SCFD2: variants seen among roughly 807,000 people sequenced by gnomAD.
SCFD2 encodes sec1 family domain containing 2.
SCFD2 carries 54 observed loss-of-function variants against 58.9 expected under a neutral mutation model. That is an observed-to-expected ratio of 0.92 (90% confidence interval 0.74 to 1.15). The LOEUF is 1.15. Ranked by LOEUF, SCFD2 falls within the 50% of genes most tolerant of loss-of-function variation. SCFD2 has a pLI of 0.00. For synonymous variants in SCFD2, 321 were observed against 335.9 expected, an observed-to-expected ratio of 0.96 and a Z score of 0.49; for missense variants, 805 against 836.6, an observed-to-expected ratio of 0.96 and a Z score of 0.47.
At chr4:53,061,841 C>A (rs1198015795) in intron 5 of SCFD2, among the ~76,000 whole-genome samples, 1 of 152,140 alleles carries the variant, frequency 6.6e-6, no homozygotes, top group East Asian at 1.9e-4. Context: ...AATCAGTCCT[C>A]CTTCAGCACC....
chr4:53,287,464 C>A (rs1327959126), intron 3 of SCFD2, among the ~76,000 whole-genome samples: 1 of 152,226 alleles, frequency 6.6e-6, no homozygotes, highest in South Asian at 2.1e-4. Context: ...GCCACTGACA[C>A]ACCTATAATC....
chr4:53,327,250 G>A (rs1268502935), intron 2 of SCFD2, among the ~76,000 whole-genome samples: 1 of 152,058 alleles, frequency 6.6e-6, no homozygotes, highest in Non-Finnish European at 1.5e-5. Flanking sequence ...GGCCCAAGAG[G>A]GTGGGTGGGA....
intron 5 of SCFD2, among the ~76,000 whole-genome samples, chr4:53,005,907 C>A (rs1721960962): frequency 6.6e-6 from 1 of 152,092 alleles, no homozygotes; most frequent in South Asian, 2.1e-4. Context: ...GAGAACTTGC[C>A]CTTTAATAAG....
At chr4:53,069,805 G>A (rs1237441221) in intron 5 of SCFD2, among the ~76,000 whole-genome samples, 3 of 151,978 alleles carry the variant, frequency 2.0e-5, no homozygotes, top group African/African-American at 7.2e-5. Context: ...GGTGTGTATT[G>A]TTAGAGATTG....
At chr4:53,079,940 A>G (rs1724092240) in intron 5 of SCFD2, among the ~76,000 whole-genome samples, 1 of 152,192 alleles carries the variant, frequency 6.6e-6, no homozygotes, top group Non-Finnish European at 1.5e-5. Context: ...ATAAATATAC[A>G]TTTTAATATA....
rs557808929 is a variant in SCFD2, at chr4:53,242,799, T to C, written c.1311+31027A>G. The stretch of plus-strand genomic sequence containing the variant: ...AAAGAAGAATGTAGTCAATCTGATA[T>C]AGCTGAAAAGCCCACTACAAGAATT... On this transcript the variant is annotated intron_variant, in intron 4 of 8. Coordinates refer to ENST00000401642, the MANE Select transcript of SCFD2 (RefSeq NM_152540.4). Among the ~76,000 whole-genome samples, 63 of 152,278 alleles carry C rather than the reference T, an allele frequency of 4.1e-4. 1 individual carries two copies. The South Asian group carries it at 0.012, about 30-fold the overall frequency.
chr4:53,365,133 A>G lies in SCFD2; in HGVS notation c.809T>C (p.Val270Ala). ...KKTAAGRASV[V>A]FVDRTLDLTG... The stretch of plus-strand genomic sequence containing the variant: ...GAGATCCAGGGTTCTGTCCACAAAA[A>G]CCACTGATGCCCTGCCTGCAGCAGT... The change falls in exon 1 of 9, where the codon GTT becomes GCT. Residue 270 changes from valine to alanine, a missense_variant. Transcript: ENST00000401642. The surrounding 1 kb of genome is among the most constrained non-coding windows in gnomAD (Gnocchi z 4.3). 6.2e-7 allele frequency: 1 copy of G among 1,614,134 alleles called. No homozygotes were observed.
chr4:52,987,909 G>A (rs1424941393), intron 5 of SCFD2, among the ~76,000 whole-genome samples: 1 of 152,216 alleles, frequency 6.6e-6, no homozygotes, highest in Non-Finnish European at 1.5e-5. Context: ...AACTGCAAGT[G>A]AGACAGCACA....
intron 5 of SCFD2, among the ~76,000 whole-genome samples, chr4:52,962,745 G>T (rs1720880604): frequency 6.6e-6 from 1 of 152,188 alleles, no homozygotes; most frequent in Admixed American, 6.5e-5. Flanking sequence ...CTGTCCGTCT[G>T]CTTTAATCAG....
intron 4 of SCFD2, among the ~76,000 whole-genome samples, chr4:53,248,692 C>A (rs1022678317): frequency 4.6e-5 from 7 of 152,166 alleles, no homozygotes; most frequent in Non-Finnish European, 5.9e-5. Context: ...GGGTACTCCT[C>A]AGGGTCTGGA....
At chr4:53,255,997 G>A (rs1730606593) in intron 4 of SCFD2, among the ~76,000 whole-genome samples, 2 of 150,228 alleles carry the variant, frequency 1.3e-5, no homozygotes, top group Admixed American at 6.6e-5. Flanking sequence ...TCCCAGACGG[G>A]GCGGCTGGCC....
intron 5 of SCFD2, among the ~76,000 whole-genome samples, chr4:53,062,200 C>T (rs527444172): frequency 4.0e-5 from 6 of 151,612 alleles, no homozygotes; most frequent in African/African-American, 1.2e-4. Context: ...GGCAAAACCC[C>T]GTCTCTACTA....
At chr4:53,257,954 G>A (rs190178738) in intron 4 of SCFD2, among the ~76,000 whole-genome samples, 335 of 152,132 alleles carry the variant, frequency 2.2e-3, no homozygotes, top group Non-Finnish European at 4.2e-3. Context: ...CTCCCTACAT[G>A]TTATGAGATA....
intron 5 of SCFD2, among the ~76,000 whole-genome samples, chr4:52,952,861 A>G (rs1053732896): frequency 6.6e-5 from 10 of 152,248 alleles, no homozygotes; most frequent in Non-Finnish European, 1.5e-4. Context: ...AGAAATCTTC[A>G]TGTGACTGAA....
intron 4 of SCFD2, among the ~76,000 whole-genome samples, chr4:53,154,215 T>C (rs1348608474): frequency 6.6e-6 from 1 of 152,192 alleles, no homozygotes; most frequent in Non-Finnish European, 1.5e-5. Context: ...GGGTAATTTA[T>C]AAAGAAAAGA....
intron 5 of SCFD2, among the ~76,000 whole-genome samples, chr4:53,044,909 C>CA (rs1489134048): frequency 1.1e-4 from 1 of 9,250 alleles, no homozygotes; most frequent in African/African-American, 1.6e-4. Flanking sequence ...ACCCCCAACC[C>CA]CCCCCCCCCG....
At chr4:53,123,091 CA>C in intron 5 of SCFD2, among the ~76,000 whole-genome samples, 1 of 152,248 alleles carries the variant, frequency 6.6e-6, no homozygotes, top group East Asian at 1.9e-4. Context: ...TCTCTCCAGA[CA>C]AAATTTTCAT....
At chr4:53,236,251 T>A (rs1729603811) in intron 4 of SCFD2, among the ~76,000 whole-genome samples, 1 of 152,134 alleles carries the variant, frequency 6.6e-6, no homozygotes, top group African/African-American at 2.4e-5. Flanking sequence ...CTTCTTGCCC[T>A]CGAACATCGA....
chr4:53,332,154 A>T (rs1275784439), intron 2 of SCFD2, among the ~76,000 whole-genome samples: 1 of 151,068 alleles, frequency 6.6e-6, no homozygotes, highest in African/African-American at 2.4e-5. Context: ...TCACAGCCGA[A>T]TTCTATCAGA....
Sources: allele counts gnomAD v4.1 joint callset (sites outside exome capture counted in the v4.1 genomes callset), GRCh38; gene constraint gnomAD v4.1.1; non-coding constraint Gnocchi (gnomAD v3.1); transcripts MANE v1.5; gene names NCBI Gene and HGNC (gene_info 2026-07-23, HGNC 2026-07-21).